Variants in ZMIZ1 observed in about 807,000 individuals in gnomAD.
ZMIZ1 encodes zinc finger MIZ-type containing 1.
ZMIZ1 carries 17 observed loss-of-function variants against 113.9 expected under a neutral mutation model. The observed-to-expected ratio is 0.15, with a 90% CI of 0.10 to 0.22. The LOEUF (loss-of-function observed/expected upper bound fraction) is 0.22, where lower values mean the gene tolerates loss of function less well. Ranked by LOEUF, ZMIZ1 falls within the 10% of genes least tolerant of loss-of-function variation. The pLI, the probability that ZMIZ1 is intolerant of heterozygous loss-of-function variation, is 1.00. For missense variants in ZMIZ1, 1,059 were observed against 1,477.8 expected (o/e 0.72, Z 4.65); for synonymous variants, 607 against 603.1 (o/e 1.01, Z -0.09).
At chr10:79,071,495 C>T (rs1353425685) in intron 1 of ZMIZ1, among the ~76,000 whole-genome samples, 3 of 152,218 alleles carry the variant, frequency 2.0e-5, no homozygotes, top group Non-Finnish European at 4.4e-5. Context: ...CTTGTACGGT[C>T]CCGGGAGTGT....
chr10:79,299,342 C>A, intron 16 of ZMIZ1, 151 bp downstream of exon 16: 2 of 1,221,836 alleles, frequency 1.6e-6, no homozygotes, highest in Non-Finnish European at 2.2e-6. Context: ...CCCTGTCCTG[C>A]GGTTGTCATG....
chr10:79,090,098 G>A (rs1842941819), intron 1 of ZMIZ1, among the ~76,000 whole-genome samples: 1 of 152,192 alleles, frequency 6.6e-6, no homozygotes, highest in Non-Finnish European at 1.5e-5. Flanking sequence ...CCCTACTGCT[G>A]TGTCTTAAGG....
chr10:79,180,588 C>T (rs1285478669), intron 4 of ZMIZ1, among the ~76,000 whole-genome samples: 2 of 152,214 alleles, frequency 1.3e-5, no homozygotes, highest in African/African-American at 2.4e-5. Context: ...TGCACCCCTT[C>T]CTCCTCCGAG....
chr10:79,132,760 G>A (rs1195999922), intron 2 of ZMIZ1, among the ~76,000 whole-genome samples: 2 of 152,222 alleles, frequency 1.3e-5, no homozygotes, highest in African/African-American at 2.4e-5. Context: ...CAGGCTTGGC[G>A]AGGCAGTGGG....
At chr10:79,177,543 C>T (rs1316813084) in intron 4 of ZMIZ1, among the ~76,000 whole-genome samples, 1 of 152,222 alleles carries the variant, frequency 6.6e-6, no homozygotes, top group East Asian at 1.9e-4. Flanking sequence ...AGGCATAGGA[C>T]TTGCCGAAAC....
intron 4 of ZMIZ1, among the ~76,000 whole-genome samples, chr10:79,193,636 G>C (rs703969): frequency 0.62 from 94,402 of 152,058 alleles, 29,460 homozygotes; most frequent in South Asian, 0.66. Flanking sequence ...GTTGCAAGGA[G>C]TCAGCCCTCA....
intron 3 of ZMIZ1, among the ~76,000 whole-genome samples, chr10:79,140,686 C>G (rs997758032): frequency 6.6e-6 from 1 of 152,164 alleles, no homozygotes; most frequent in African/African-American, 2.4e-5. Context: ...CCACCCATTC[C>G]CCCCATCCAC....
At chr10:79,239,283 A>G (rs1484211929) in intron 7 of ZMIZ1, among the ~76,000 whole-genome samples, 2 of 152,152 alleles carry the variant, frequency 1.3e-5, no homozygotes, top group African/African-American at 4.8e-5. Flanking sequence ...GCTCCATGCC[A>G]GGTCCCCGGT....
intron 2 of ZMIZ1, among the ~76,000 whole-genome samples, chr10:79,120,757 A>G (rs1156328517): frequency 1.3e-5 from 2 of 152,214 alleles, no homozygotes; most frequent in African/African-American, 4.8e-5. Flanking sequence ...GGTTACAGGT[A>G]AAGTGGGGAT....
chr10:79,292,947 A>C, intron 11 of ZMIZ1: 1 of 460,522 alleles, frequency 2.2e-6, no homozygotes, highest in Non-Finnish European at 4.3e-6. Flanking sequence ...GTGTGCCTCC[A>C]CTGGCCCAGG....
chr10:79,259,065 C>A (rs752071262), intron 7 of ZMIZ1, among the ~76,000 whole-genome samples: 1 of 152,142 alleles, frequency 6.6e-6, no homozygotes, highest in East Asian at 1.9e-4. Flanking sequence ...CCCAGCCGCC[C>A]GTATTAGTTT....
At chr10:79,233,023 A>G (rs994068598) in intron 7 of ZMIZ1, among the ~76,000 whole-genome samples, 5 of 152,206 alleles carry the variant, frequency 3.3e-5, no homozygotes, top group African/African-American at 1.2e-4. Flanking sequence ...CGCCCCCGAC[A>G]CCAAGGCCTC....
chr10:79,163,295 A>T (rs1441352302), intron 4 of ZMIZ1, among the ~76,000 whole-genome samples: 2 of 151,948 alleles, frequency 1.3e-5, no homozygotes, highest in African/African-American at 2.4e-5. Context: ...TTGGAGAGCC[A>T]GGCTCCATCT....
Position 79,208,506 on chromosome 10 carries a change from G to A in ZMIZ1, c.174+57G>A. 6.2e-6 allele frequency: 9 copies of A among 1,462,474 alleles called. No individual in the cohort carries two copies. In the South Asian group the frequency reaches 1.1e-4, roughly 17 times the overall value. 90.6% of individuals were successfully genotyped at this position (1,462,474 alleles called of 1,614,324 possible). ...GCCCAGGAAGGTCAGCTGAGTGCTAGCGTGCCTGTCCAGGTTTCAGAGAGG... is the reference window on the plus strand; with the variant it reads ...GCCCAGGAAGGTCAGCTGAGTGCTAACGTGCCTGTCCAGGTTTCAGAGAGG... On this transcript the variant is annotated intron_variant, in intron 6 of 24. Coordinates refer to ENST00000334512, the MANE Select transcript of ZMIZ1 (RefSeq NM_020338.4).
intron 14 of ZMIZ1, 146 bp from the exon 15 acceptor site, chr10:79,298,260 G>C: frequency 2.2e-6 from 2 of 924,254 alleles, no homozygotes; most frequent in South Asian, 3.4e-5. Context: ...AGAGATCTGC[G>C]AGAGAGAAGA....
At chr10:79,099,674 G>T (rs1443351752) in intron 1 of ZMIZ1, among the ~76,000 whole-genome samples, 1 of 152,168 alleles carries the variant, frequency 6.6e-6, no homozygotes, top group African/African-American at 2.4e-5. Flanking sequence ...TTGTTGGGTG[G>T]TGGAGGATAG....
At chr10:79,125,230 A>G (rs1328591037) in intron 2 of ZMIZ1, among the ~76,000 whole-genome samples, 1 of 152,084 alleles carries the variant, frequency 6.6e-6, no homozygotes, top group Non-Finnish European at 1.5e-5. Flanking sequence ...ACCTCCCCCA[A>G]CCCCATCTGC....
At chr10:79,164,005 G>A (rs1804394899) in intron 4 of ZMIZ1, among the ~76,000 whole-genome samples, 1 of 152,196 alleles carries the variant, frequency 6.6e-6, no homozygotes, top group South Asian at 2.1e-4. Context: ...AATCATAGGA[G>A]CAGCTTCGAG....
At chr10:79,295,257 C>T (rs562134870) in intron 12 of ZMIZ1, 2 of 152,374 alleles carry the variant, frequency 1.3e-5, no homozygotes, top group Non-Finnish European at 2.9e-5. Flanking sequence ...TTGGTGTCAC[C>T]CCTGCACCTG....
Sources: allele counts gnomAD v4.1 joint callset (sites outside exome capture counted in the v4.1 genomes callset), GRCh38; gene constraint gnomAD v4.1.1; transcripts MANE v1.5; gene names NCBI Gene and HGNC (gene_info 2026-07-23, HGNC 2026-07-21).